The following MYH15 variants were observed in gnomAD, a reference collection of about 807,000 sequenced individuals.
The protein encoded by MYH15 is myosin-15.
Under a neutral mutation model 240.5 loss-of-function variants are expected in MYH15, and 227 were observed. The ratio of observed to expected loss-of-function variants is 0.94; its 90% CI spans 0.85 to 1.05. The LOEUF (loss-of-function observed/expected upper bound fraction) is 1.05, where lower values mean the gene tolerates loss of function less well. Ranked by LOEUF, MYH15 falls within the 50% of genes least tolerant of loss-of-function variation. The pLI is 0.00. For missense variants in MYH15, 2,217 were observed against 2,247.5 expected (o/e 0.99, Z 0.27); for synonymous variants, 785 against 796.7 (o/e 0.99, Z 0.25).
intron 12 of MYH15, among the ~76,000 whole-genome samples, chr3:108,472,403 G>A (rs1042967039): frequency 6.6e-6 from 1 of 152,194 alleles, no homozygotes; most frequent in African/African-American, 2.4e-5. Context: ...GCCAGTTGGT[G>A]TCTGGTGGTG....
At chr3:108,508,880 G>C (rs889559233) in intron 1 of MYH15, among the ~76,000 whole-genome samples, 1 of 152,020 alleles carries the variant, frequency 6.6e-6, no homozygotes, top group African/African-American at 2.4e-5. Flanking sequence ...TTTCCTTCTC[G>C]GGTATCATAA....
intron 21 of MYH15, among the ~76,000 whole-genome samples, chr3:108,446,545 CAA>C (rs1230457258): frequency 6.6e-6 from 1 of 152,020 alleles, no homozygotes; most frequent in African/African-American, 2.4e-5. Context: ...CATGAATAAT[CAA>C]AAAAATGACA....
intron 34 of MYH15, 45 bp from the exon 35 acceptor site, chr3:108,398,885 C>T (rs2082483252): frequency 6.4e-7 from 1 of 1,573,164 alleles, no homozygotes; most frequent in Non-Finnish European, 8.7e-7. Flanking sequence ...CCTCTGAGTT[C>T]AACATAGACT....
chr3:108,388,915 C>G, intron 38 of MYH15, 55 bp downstream of exon 38: 1 of 1,518,530 alleles, frequency 6.6e-7, no homozygotes, highest in South Asian at 1.2e-5. Flanking sequence ...TGAAGGAGTA[C>G]TTTTCTGCAG....
Position 108,425,743 on chromosome 3 carries a change from C to CA in MYH15, c.3702+2748dup, listed in dbSNP as rs373394956. 5.4e-3 allele frequency among the ~76,000 whole-genome samples: 826 copies of CA among 152,262 alleles called. 7 individuals carry two copies. The highest frequency in any genetic ancestry group is 0.015 in the African/African-American group (635 of 41,536). On this transcript the variant is annotated intron_variant, in intron 27 of 40. Coordinates refer to ENST00000693548, the MANE Select transcript of MYH15 (RefSeq NM_014981.3). ...TACTGCTAGAAAAAGCCTATATTCC[C>CA]ATGAATGGAACATTAAGAATCCTTC...
intron 34 of MYH15, 81 bp from the exon 35 acceptor site, chr3:108,398,921 C>CTATATATTTAGACA: frequency 6.8e-7 from 1 of 1,477,630 alleles, no homozygotes; most frequent in Non-Finnish European, 9.4e-7. Flanking sequence ...CATGATCTGA[C>CTATATATTTAGACA]TATATATTTA....
Position 108,488,262 on chromosome 3 carries a change from C to A in MYH15, c.872-1736G>T, listed in dbSNP as rs147246436. 3.6e-4 allele frequency among the ~76,000 whole-genome samples: 55 copies of A among 152,176 alleles called. No individual in the cohort carries two copies. In the East Asian group the frequency reaches 9.5e-3, roughly 26 times the overall value. On this transcript the variant is annotated intron_variant, in intron 9 of 40. Coordinates refer to ENST00000693548, the MANE Select transcript of MYH15 (RefSeq NM_014981.3). Reference sequence around the variant, plus strand: ...TGCCTTATTTCATTTAGCATAATGTCCTTCAGGTTCATTCATGTTGCCATA... The same window carrying A: ...TGCCTTATTTCATTTAGCATAATGTACTTCAGGTTCATTCATGTTGCCATA...
chr3:108,388,652 C>T (rs1367990162), intron 38 of MYH15, among the ~76,000 whole-genome samples: 1 of 152,222 alleles, frequency 6.6e-6, no homozygotes, highest in African/African-American at 2.4e-5. Context: ...TGTTCTCACT[C>T]AGCCACTCAC....
intron 27 of MYH15, among the ~76,000 whole-genome samples, chr3:108,421,459 T>G (rs2082683943): frequency 6.6e-6 from 1 of 152,316 alleles, no homozygotes; most frequent in Non-Finnish European, 1.5e-5. Flanking sequence ...ACTTCCTGGG[T>G]ATTAGGATCC....
At chr3:108,438,544 A>G (rs531576644) in intron 24 of MYH15, among the ~76,000 whole-genome samples, 12 of 152,332 alleles carry the variant, frequency 7.9e-5, no homozygotes, top group African/African-American at 2.9e-4. Context: ...AATTCCCAGT[A>G]TGATGGTGTT....
chr3:108,441,109 T>G lies in MYH15; in HGVS notation c.2807A>C (p.Glu936Ala). Residue 936 changes from glutamate to alanine, a missense_variant, in exon 23 of 41, where the codon GAA becomes GCA. Glu to Ala is a moderately radical substitution (Grantham distance 107, BLOSUM62 -1). Coordinates refer to ENST00000693548, the MANE Select transcript of MYH15 (RefSeq NM_014981.3). ...SELTARGRKL[E>A]DECFELKKEI... is the part of the protein sequence containing the mutation. ...TTTCTTCAACTCAAAACATTCATCT[T>G]CGAGTTTCCGCCCCCTGGCAGTCAG... 1 of 1,614,184 alleles carries G rather than the reference T, an allele frequency of 6.2e-7. No individual in the cohort carries two copies. Among genetic ancestry groups the G allele is most frequent in the South Asian group, 1.1e-5 (1 of 91,084 alleles).
At chr3:108,506,967 G>A (rs572214254) in intron 1 of MYH15, among the ~76,000 whole-genome samples, 4 of 152,206 alleles carry the variant, frequency 2.6e-5, no homozygotes, top group African/African-American at 9.6e-5. Context: ...AGAGTCGGAG[G>A]TTGCAGTGAG....
rs1361210578 is a variant in MYH15 at position 108,527,679 on chromosome 3, G to GA, written c.-58+1583dup. On this transcript the variant is annotated intron_variant, in intron 1 of 41. Transcript: ENST00000273353. ...TAGGTTTGAAAAATATGTCACCATA[G>GA]AAAAAATCTTATGGCTTATCAAGGA... 3.9e-5 allele frequency among the ~76,000 whole-genome samples: 6 copies of GA among 152,202 alleles called. No homozygotes were observed. The South Asian group carries it at 1.2e-3, about 32-fold the overall frequency.
chr3:108,526,898 C>A (rs57031105), intron 1 of MYH15, among the ~76,000 whole-genome samples: 1 of 152,070 alleles, frequency 6.6e-6, no homozygotes, highest in Non-Finnish European at 1.5e-5. Context: ...ACAGATCAAA[C>A]GCAGTGAGTT....
chr3:108,444,951 T>C, intron 21 of MYH15, 56 bp from the exon 22 acceptor site: 2 of 1,518,960 alleles, frequency 1.3e-6, no homozygotes, highest in Non-Finnish European at 1.8e-6. Context: ...GGAGAATTAG[T>C]TCCCAAATTA....
chr3:108,545,473 T>C, the MYH15 span, among the ~76,000 whole-genome samples: 1 of 152,002 alleles, frequency 6.6e-6, no homozygotes. Context: ...GTATTTTTTC[T>C]AACAAGTATG....
chr3:108,404,028 T>C (rs190775807), intron 33 of MYH15, among the ~76,000 whole-genome samples: 2 of 152,236 alleles, frequency 1.3e-5, no homozygotes, highest in Non-Finnish European at 2.9e-5. Flanking sequence ...TTCATTTTTA[T>C]TCCTTGTGGA....
rs372774335 is a variant in MYH15 at position 108,408,392 on chromosome 3, T to C, written c.4508A>G (p.Asn1503Ser). The C allele has an allele frequency of 6.2e-7, 1 of 1,610,190 alleles. No individual in the cohort carries two copies. Among genetic ancestry groups the C allele is most frequent in the African/African-American group, 1.3e-5 (1 of 74,646 alleles). Residue 1503 changes from asparagine to serine, a missense_variant, in exon 32 of 41, where the codon AAT becomes AGT. By Grantham distance (46) the Asn-to-Ser change is conservative. Transcript: ENST00000693548. The stretch of plus-strand genomic sequence containing the variant: ...CCCTTCTCTAACCTGGTTTGTCAGA[T>C]TAGAAATCTCTTCTGGAGACAGAGG... ...ENKNLQEEIS[N>S]LTNQVREGTK...
chr3:108,507,244 T>TTC (rs375556540), intron 1 of MYH15, among the ~76,000 whole-genome samples: 1 of 64,898 alleles, frequency 1.5e-5, no homozygotes. Context: ...TATATATATA[T>TTC]ATATATATAT....
Sources: gnomAD v4.1 joint callset for allele counts (sites outside exome capture counted in the v4.1 genomes callset) on GRCh38, gnomAD v4.1.1 for gene constraint, MANE v1.5 for transcripts, NCBI Gene and HGNC (gene_info 2026-07-23, HGNC 2026-07-21) for gene names.